The following ARX variants were observed in gnomAD, a reference collection of about 807,000 sequenced individuals.
ARX encodes the protein homeobox protein ARX.
A neutral mutation model predicts 23.1 loss-of-function variants in ARX; 1 was observed. That is an observed-to-expected ratio of 0.04 (90% CI 0.02 to 0.21). The LOEUF is 0.21. ARX is among the 10% of genes least tolerant of loss of function. The pLI, the probability that ARX is intolerant of heterozygous loss-of-function variation, is 1.00. For synonymous variants in ARX, 301 were observed against 270.1 expected, an observed-to-expected ratio of 1.11 and a Z score of -1.12; for missense variants, 380 against 527.5, an observed-to-expected ratio of 0.72 and a Z score of 2.74.
chrX:25,004,993 G>C, intron 4 of ARX, 83 bp from the exon 5 acceptor site: 3 of 1,048,774 alleles, frequency 2.9e-6, no homozygotes, highest in East Asian at 7.7e-5. Context: ...GCTTGTCGCC[G>C]GGGCAGCTGA....
At chrX:25,007,842 T>G (rs143189144) in intron 3 of ARX, among the ~76,000 whole-genome samples, 2 of 110,942 alleles carry the variant, frequency 1.8e-5, no homozygotes, top group Admixed American at 1.9e-4. Flanking sequence ...ATGGGGATAA[T>G]AAAACTTCAC....
At position 25,004,446 on chromosome X, in the gene ARX, A is replaced by AGCAGGG. The variant is rs966894894; in HGVS notation, c.*218_*223dup. On this transcript the variant is annotated 3_prime_UTR_variant, in exon 5 of 5. Coordinates refer to ENST00000379044, the MANE Select transcript of ARX (RefSeq NM_139058.3). ...TTGGAGTTGGAGCGAGGTTGGCAGT[A>AGCAGGG]GCAGGGGCAGGGGCAGGGGCGGGTG... 3.6e-4 allele frequency: 175 copies of AGCAGGG among 483,190 alleles called. No individual in the cohort carries two copies. The highest frequency in any genetic ancestry group is 5.0e-4 in the Non-Finnish European group (149 of 297,636). 39.8% of individuals were successfully genotyped at this position (483,190 alleles called of 1,213,427 possible). A position where few individuals can be genotyped will look rare whatever the true frequency, so the allele number is the denominator to read the frequency against.
chrX:25,007,039 C>T, intron 4 of ARX, 72 bp downstream of exon 4: 4 of 1,117,039 alleles, frequency 3.6e-6, no homozygotes, highest in Non-Finnish European at 2.4e-6. Context: ...TGACTCCTGC[C>T]TCCTCCCTGC....
chrX:25,006,867 G>A (rs1284802725), intron 4 of ARX, among the ~76,000 whole-genome samples: 1 of 111,240 alleles, frequency 9.0e-6, no homozygotes, highest in African/African-American at 3.3e-5. Flanking sequence ...ATTCTCGGTT[G>A]TCACGGTTGT....
At position 25,013,504 on chromosome X, in the gene ARX, G is replaced by A; in HGVS notation, c.491C>T (p.Ala164Val). Residue 164 changes from alanine (A) to valine (V), a missense_variant, in exon 2 of 5, where the codon GCG (alanine) becomes GTG (valine). Coordinates refer to ENST00000379044, the MANE Select transcript of ARX (RefSeq NM_139058.3). ...AAWDTLKISQ[A>V]PQVSISRSKS... The stretch of plus-strand genomic sequence containing the variant: ...GCTGCGGCTGATGCTCACCTGCGGC[G>A]CCTGGCTGATCTTGAGCGTGTCCCA... 1 of 882,146 alleles carries A rather than the reference G, an allele frequency of 1.1e-6. No homozygotes were observed. Among genetic ancestry groups the A allele is most frequent in the Admixed American group, 6.3e-5 (1 of 15,787 alleles). 72.7% of individuals were successfully genotyped at this position (882,146 alleles called of 1,213,427 possible).
rs1064795129 is a variant in ARX at position 25,013,606 on chromosome X, G to T, written c.389C>A (p.Pro130Gln). ...CCGTTCCCCGGGCCGCGCGGTTGGC[G>T]GTGGCGGCGGAGGGGCCTCCCCGCG... ...GPRGEAPPPP[P>Q]PTARPGERPD... Residue 130 changes from proline to glutamine, a missense_variant, in exon 2 of 5, where the codon CCG becomes CAG. By Grantham distance (76) the Pro-to-Gln change is moderately conservative. Around this residue, in one of 3 missense-constraint regions of ARX, gnomAD observed 235 missense variants for 270.2 expected, o/e 0.87. Coordinates refer to ENST00000379044, the MANE Select transcript of ARX (RefSeq NM_139058.3). 2 of 752,046 alleles carry T rather than the reference G, an allele frequency of 2.7e-6. No individual in the cohort carries two copies. The highest frequency in any genetic ancestry group is 1.5e-4 in the East Asian group (1 of 6,543). The allele number at this position is 752,046 out of a possible 1,213,427, so 62.0% of individuals were successfully genotyped here.
intron 1 of ARX, among the ~76,000 whole-genome samples, chrX:25,014,552 A>G (rs974288940): frequency 1.8e-5 from 2 of 113,115 alleles, no homozygotes; most frequent in African/African-American, 6.4e-5. Flanking sequence ...AAAAAGGCAA[A>G]GAAAAATCAT....
intron 2 of ARX, among the ~76,000 whole-genome samples, chrX:25,012,434 C>T (rs1467562824): frequency 8.9e-6 from 1 of 112,861 alleles, no homozygotes; most frequent in Non-Finnish European, 1.9e-5. Flanking sequence ...CACCAGGCCC[C>T]TGGGGCACCA....
At position 25,013,091 on chromosome X, in the gene ARX, C is replaced by T. The variant is rs146224124; in HGVS notation, c.904G>A (p.Ala302Thr). Reference sequence around the variant, plus strand: ...CTGTCCTCGCCGTCCTTGCCCTCAGCGTCTTCCGGGTGCAGCAGCAGCTCC... The same window carrying T: ...CTGTCCTCGCCGTCCTTGCCCTCAGTGTCTTCCGGGTGCAGCAGCAGCTCC... Reference protein sequence around the residue: ...KEELLLHPEDAEGKDGEDSVC... With the variant: ...KEELLLHPEDTEGKDGEDSVC... The change falls in exon 2 of 5, where the codon GCT (alanine) becomes ACT (threonine). Residue 302 changes from alanine (A) to threonine (T), a missense_variant. Coordinates refer to ENST00000379044, the MANE Select transcript of ARX (RefSeq NM_139058.3). 3.3e-6 allele frequency: 4 copies of T among 1,202,646 alleles called. No homozygotes were observed. Among genetic ancestry groups the T allele is most frequent in the East Asian group, 3.0e-5 (1 of 33,524 alleles).
Position 25,004,639 on chromosome X carries a change from G to T in ARX, c.*31C>A. On this transcript the variant is annotated 3_prime_UTR_variant, in exon 5 of 5. Coordinates refer to ENST00000379044, the MANE Select transcript of ARX (RefSeq NM_139058.3). ...GCTGAGTGAGGTGACCTTTCGGGGC[G>T]CGCGCGGGGCGCGGGTGTGGAGGGC... The T allele has an allele frequency of 8.6e-7, 1 of 1,163,752 alleles. No individual in the cohort carries two copies. The highest frequency in any genetic ancestry group is 1.9e-5 in the South Asian group (1 of 52,592).
In ARX at chrX:25,015,922, A is replaced by C. The variant is rs2048725751; in HGVS notation, c.-185T>G. On this transcript the variant is annotated 5_prime_UTR_variant, in exon 1 of 5. Coordinates refer to ENST00000379044, the MANE Select transcript of ARX (RefSeq NM_139058.3). ...CGGCTCCCGCCCTGCCCGCGGCCCG[A>C]GCTCGCCCTCTCCGCGCTCAGGACA... is the stretch of plus-strand genomic sequence containing the variant. The C allele has an allele frequency of 2.0e-6, 1 of 494,665 alleles. No homozygotes were observed. Among genetic ancestry groups the C allele is most frequent in the Non-Finnish European group, 3.5e-6 (1 of 287,120 alleles). The allele number at this position is 494,665 out of a possible 1,213,427, so 40.8% of individuals were successfully genotyped here. A position where few individuals can be genotyped will look rare whatever the true frequency, so the allele number is the denominator to read the frequency against.
intron 2 of ARX, 125 bp downstream of exon 2, chrX:25,012,797 C>A: frequency 8.9e-7 from 1 of 1,127,234 alleles, no homozygotes. Context: ...TGGGAGGGCG[C>A]TCTTCCACAG....
intron 4 of ARX, among the ~76,000 whole-genome samples, chrX:25,005,704 CGCGGCGCAAGGCGAT>C (rs1489924785): frequency 8.9e-6 from 1 of 112,743 alleles, no homozygotes; most frequent in East Asian, 2.8e-4. Context: ...GACCCTGGCG[CGCGGCGCAAGGCGAT>C]GCCCAAGCCT....
Position 25,004,662 on chromosome X carries a change from G to GCGCGCGCGGGGC in ARX, c.*7_*8insGCCCCGCGCGCG. On this transcript the variant is annotated 3_prime_UTR_variant, in exon 5 of 5. Coordinates refer to ENST00000379044, the MANE Select transcript of ARX (RefSeq NM_139058.3). ...GCGCGCGCGGGGCGCGGGTGTGGAG[G>GCGCGCGCGGGGC]GCAGCCTTTAGCACACCTCCTTGCC... The GCGCGCGCGGGGC allele has an allele frequency of 1.7e-6, 2 of 1,165,033 alleles. No individual in the cohort carries two copies. The highest frequency in any genetic ancestry group is 2.6e-5 in the Admixed American group (1 of 38,864).
At chrX:25,012,805 CAG>C (rs2048707467) in intron 2 of ARX, 115 bp downstream of exon 2, 1 of 1,138,953 alleles carries the variant, frequency 8.8e-7, no homozygotes, top group Admixed American at 2.7e-5. Context: ...CGCTCTTCCA[CAG>C]AGTCCAGGAG....
rs753049882 is a variant in ARX, at chrX:25,015,601, G to T, written c.137C>A (p.Ala46Asp). ...CAGCGGAGCAGGCAAGCTCTGCGCG[G>T]CTCCCAGCAACCGCATTTTGCACGG... is the stretch of plus-strand genomic sequence containing the variant. ...RSPCKMRLLGAAQSLPAPLTS... is the reference protein window; with the variant it reads ...RSPCKMRLLGDAQSLPAPLTS... The change falls in exon 1 of 5, where the codon GCC becomes GAC. Residue 46 changes from alanine to aspartate, a missense_variant. Physicochemically the swap from Ala to Asp is moderately radical, Grantham distance 126 (BLOSUM62 -2). This residue lies in a region of ARX where 235 missense variants were observed against 270.2 expected (regional missense o/e 0.87). Coordinates refer to ENST00000379044, the MANE Select transcript of ARX (RefSeq NM_139058.3). 12 of 1,208,967 alleles carry T rather than the reference G, an allele frequency of 9.9e-6. No homozygotes were observed. In the Admixed American group the frequency reaches 2.6e-4, roughly 26 times the overall value.
In ARX at chrX:25,013,351, G is replaced by C. The variant is rs964935114; in HGVS notation, c.644C>G (p.Pro215Arg). The C allele has an allele frequency of 8.7e-7, 1 of 1,149,181 alleles. No individual in the cohort carries two copies. Among genetic ancestry groups the C allele is most frequent in the East Asian group, 3.3e-5 (1 of 30,161 alleles). 94.7% of individuals were successfully genotyped at this position (1,149,181 alleles called of 1,213,427 possible). A position where few individuals can be genotyped will look rare whatever the true frequency, so the allele number is the denominator to read the frequency against. Residue 215 changes from proline (P) to arginine (R), a missense_variant, in exon 2 of 5, where the codon CCG (proline) becomes CGG (arginine). Physicochemically the swap from Pro to Arg is moderately radical, Grantham distance 103. This residue lies in a region of ARX where 235 missense variants were observed against 270.2 expected (regional missense o/e 0.87). Transcript: ENST00000379044. ...LGVAGGPGSAPAAGGGTGTED... is the reference protein window; with the variant it reads ...LGVAGGPGSARAAGGGTGTED... ...GGTGCCGGTGCCACCACCCGCAGCC[G>C]GGGCGCTGCCCGGGCCGCCGGCCAC...
At chrX:25,013,862 C>A (rs1158413998) in intron 1 of ARX, 64 bp from the exon 2 acceptor site, 81 of 878,157 alleles carry the variant, frequency 9.2e-5, no homozygotes, top group Non-Finnish European at 1.1e-4. Context: ...GGGCTGCTGC[C>A]GGGGCCCGCC....
chrX:25,005,681 G>C (rs933674832), intron 4 of ARX, among the ~76,000 whole-genome samples: 2 of 112,757 alleles, frequency 1.8e-5, no homozygotes, highest in African/African-American at 6.4e-5. Flanking sequence ...GCCTCAGGGA[G>C]CCCCCGACCC....
Sources: gnomAD v4.1 joint callset for allele counts (sites outside exome capture counted in the v4.1 genomes callset) on GRCh38, gnomAD v4.1.1 for gene constraint, gnomAD v4.1.1 regional missense constraint, MANE v1.5 for transcripts, NCBI Gene and HGNC (gene_info 2026-07-23, HGNC 2026-07-21) for gene names.